The following TNIK variants were observed in gnomAD, a reference collection of about 807,000 sequenced individuals.
TNIK encodes TRAF2 and NCK-interacting protein kinase.
In TNIK, 49 loss-of-function variants were observed where a neutral mutation model predicts 191.3. The ratio of observed to expected loss-of-function variants is 0.26; its 90% CI spans 0.20 to 0.32. TNIK has a LOEUF of 0.32. TNIK is among the 10% of genes least tolerant of loss of function. The pLI is 1.00. For synonymous variants in TNIK, 594 were observed against 600.9 expected (o/e 0.99, Z 0.17); for missense variants, 1,155 against 1,702.3 (o/e 0.68, Z 5.66).
chr3:171,094,103 T>C (rs1722412758), intron 22 of TNIK, 135 bp from the exon 23 acceptor site: 4 of 1,200,740 alleles, frequency 3.3e-6, no homozygotes, highest in African/African-American at 1.6e-5. Flanking sequence ...CAATTTTAAG[T>C]GTACATGTCA....
chr3:171,144,752 C>G (rs1349349508), intron 12 of TNIK, among the ~76,000 whole-genome samples: 6 of 152,164 alleles, frequency 3.9e-5, no homozygotes, highest in Non-Finnish European at 8.8e-5. Flanking sequence ...ACCCATTGAC[C>G]AGTCTCTCAC....
intron 26 of TNIK, among the ~76,000 whole-genome samples, chr3:171,082,922 C>G (rs1720872469): frequency 6.6e-6 from 1 of 152,118 alleles, no homozygotes; most frequent in African/African-American, 2.4e-5. Context: ...AGTTTTTGCT[C>G]TTTTTTAGGG....
intron 2 of TNIK, among the ~76,000 whole-genome samples, chr3:171,244,264 A>G (rs1040002925): frequency 2.0e-5 from 3 of 151,892 alleles, no homozygotes; most frequent in Non-Finnish European, 4.4e-5. Context: ...ACGGGGTTTC[A>G]CCATGTTAGC....
At chr3:171,218,519 T>C (rs1443552452) in intron 3 of TNIK, among the ~76,000 whole-genome samples, 3 of 151,234 alleles carry the variant, frequency 2.0e-5, no homozygotes, top group African/African-American at 7.3e-5. Context: ...CCACAGGAAT[T>C]GGAATGAGTT....
chr3:171,353,005 A>G (rs6765629), intron 2 of TNIK, among the ~76,000 whole-genome samples: 106,080 of 152,000 alleles, frequency 0.7, 37,626 homozygotes, highest in East Asian at 0.98. Context: ...ATAATTTAAA[A>G]AACATTTATT....
At position 171,066,581 on chromosome 3, in the gene TNIK, G is replaced by C; in HGVS notation, c.3854C>G (p.Ser1285Cys). 1 of 1,612,204 alleles carries C rather than the reference G, an allele frequency of 6.2e-7. No individual in the cohort carries two copies. The highest frequency in any genetic ancestry group is 8.5e-7 in the Non-Finnish European group (1 of 1,179,750). ...VVLQWGEMPT[S>C]VAYIHSNQIM... Reference sequence around the variant, plus strand: ...ATAAGGAATGGTTAACCTACCCACAGACGTGGGCATTTCTCCCCATTGGAG... The same window carrying C: ...ATAAGGAATGGTTAACCTACCCACACACGTGGGCATTTCTCCCCATTGGAG... Residue 1285 changes from serine to cysteine, a missense_variant, in exon 31 of 33, where the codon TCT becomes TGT. Ser to Cys is a moderately radical substitution (Grantham distance 112). Transcript: ENST00000436636.
intron 2 of TNIK, among the ~76,000 whole-genome samples, chr3:171,309,299 A>G (rs1471631584): frequency 6.6e-6 from 1 of 152,174 alleles, no homozygotes; most frequent in Admixed American, 6.6e-5. Flanking sequence ...ATAACACAGG[A>G]AAAGACAGCC....
chr3:171,190,662 C>T lies in TNIK; in HGVS notation c.508+35G>A, dbSNP rs1388254540. ...GCTGTTAATATAATCTCATCACTTC[C>T]TGCAATTCCAAGGCTCACAGGATTC... On this transcript the variant is annotated intron_variant, in intron 6 of 32. Coordinates refer to ENST00000436636, the MANE Select transcript of TNIK (RefSeq NM_015028.4). 3.3e-6 allele frequency: 5 copies of T among 1,503,344 alleles called. No homozygotes were observed. In the South Asian group the frequency reaches 6.0e-5, roughly 18 times the overall value. The allele number at this position is 1,503,344 out of a possible 1,614,324, so 93.1% of individuals were successfully genotyped here.
chr3:171,259,247 A>G (rs1747288520), intron 2 of TNIK, among the ~76,000 whole-genome samples: 2 of 152,214 alleles, frequency 1.3e-5, no homozygotes, highest in South Asian at 4.1e-4. Flanking sequence ...TTGGAAGGAC[A>G]GACCTAATAT....
intron 2 of TNIK, among the ~76,000 whole-genome samples, chr3:171,281,607 GTA>G (rs1750432583): frequency 6.6e-6 from 1 of 151,442 alleles, no homozygotes; most frequent in Non-Finnish European, 1.5e-5. Flanking sequence ...GGAATGGGCA[GTA>G]CACTTTAAGT....
chr3:171,359,137 A>T (rs546891363), intron 2 of TNIK, among the ~76,000 whole-genome samples: 1 of 152,294 alleles, frequency 6.6e-6, no homozygotes, highest in East Asian at 1.9e-4. Context: ...ACGTTCTACG[A>T]TAAGAGAAAG....
At chr3:171,298,039 T>G (rs13073223) in intron 2 of TNIK, among the ~76,000 whole-genome samples, 2 of 152,040 alleles carry the variant, frequency 1.3e-5, no homozygotes, top group African/African-American at 4.8e-5. Context: ...AAACTGCTTC[T>G]AGAATAGCAC....
At chr3:171,211,087 A>G in intron 4 of TNIK, 29 bp downstream of exon 4, 1 of 1,600,534 alleles carries the variant, frequency 6.2e-7, no homozygotes, top group Non-Finnish European at 8.5e-7. Context: ...TTTTATGTAA[A>G]TAAAGCAAAT....
intron 4 of TNIK, 72 bp downstream of exon 4, chr3:171,211,044 G>A: frequency 6.3e-7 from 1 of 1,581,662 alleles, no homozygotes; most frequent in Non-Finnish European, 8.6e-7. Context: ...TTGTCATGAG[G>A]ATAGAAAAAT....
At chr3:171,381,098 C>T (rs571248204) in intron 1 of TNIK, among the ~76,000 whole-genome samples, 4 of 152,050 alleles carry the variant, frequency 2.6e-5, no homozygotes, top group South Asian at 2.1e-4. Context: ...GCTAGGCCAC[C>T]GTGAAGGACA....
At chr3:171,397,379 C>A (rs1720391751) in intron 1 of TNIK, among the ~76,000 whole-genome samples, 1 of 152,166 alleles carries the variant, frequency 6.6e-6, no homozygotes, top group African/African-American at 2.4e-5. Context: ...TTGGCCAACA[C>A]AGTAACGCCT....
chr3:171,185,618 G>A (rs1405778636), intron 7 of TNIK, among the ~76,000 whole-genome samples: 1 of 152,164 alleles, frequency 6.6e-6, no homozygotes, highest in Non-Finnish European at 1.5e-5. Flanking sequence ...CTCCTTAGGA[G>A]AGGGTCTATT....
intron 23 of TNIK, among the ~76,000 whole-genome samples, chr3:171,088,207 A>G (rs910304158): frequency 1.3e-5 from 2 of 151,408 alleles, no homozygotes; most frequent in African/African-American, 4.9e-5. Flanking sequence ...CACCTCTAAT[A>G]TCCCTTTTTA....
intron 2 of TNIK, among the ~76,000 whole-genome samples, chr3:171,350,264 A>T (rs565752752): frequency 3.9e-5 from 6 of 152,172 alleles, no homozygotes; most frequent in Non-Finnish European, 8.8e-5. Flanking sequence ...GTTCCAGAAC[A>T]GTTCCTGGAA....
Sources: gnomAD v4.1 joint callset for allele counts (sites outside exome capture counted in the v4.1 genomes callset) on GRCh38, gnomAD v4.1.1 for gene constraint, MANE v1.5 for transcripts, NCBI Gene and HGNC (gene_info 2026-07-23, HGNC 2026-07-21) for gene names.